TENM3: variants seen among roughly 807,000 people sequenced by gnomAD.
TENM3 encodes teneurin transmembrane protein 3.
In TENM3, 63 loss-of-function variants were observed where a neutral mutation model predicts 255.1. The observed-to-expected ratio is 0.25, with a 90% CI of 0.20 to 0.30. TENM3 has a LOEUF of 0.30. TENM3 is among the 10% of genes least tolerant of loss of function. TENM3 has a pLI of 1.00. For missense variants in TENM3, 2,929 were observed against 3,461.1 expected, an observed-to-expected ratio of 0.85 and a Z score of 3.86; for synonymous variants, 1,306 against 1,322.3, an observed-to-expected ratio of 0.99 and a Z score of 0.27.
the TENM3 span, among the ~76,000 whole-genome samples, chr4:181,699,773 G>T: frequency 1.3e-5 from 2 of 152,160 alleles, no homozygotes; most frequent in Non-Finnish European, 2.9e-5. Context: ...ACTGCAGAAA[G>T]AAAATTGGAT....
the TENM3 span, among the ~76,000 whole-genome samples, chr4:182,122,666 A>G: frequency 7.9e-5 from 12 of 152,312 alleles, no homozygotes; most frequent in Middle Eastern, 3.4e-3. Flanking sequence ...ACACAGGCAG[A>G]GTAAATTTAG....
At chr4:181,767,109 G>T in the TENM3 span, among the ~76,000 whole-genome samples, 2 of 139,062 alleles carry the variant, frequency 1.4e-5, no homozygotes, top group Non-Finnish European at 1.5e-5. Flanking sequence ...AAAATTAGCA[G>T]GGCGTGGTGG....
chr4:182,188,307 T>C (rs1467724616), intron 1 of TENM3, among the ~76,000 whole-genome samples: 1 of 152,142 alleles, frequency 6.6e-6, no homozygotes. Context: ...TTTCCATATC[T>C]GTAGATGAGA....
intron 3 of TENM3, among the ~76,000 whole-genome samples, chr4:182,362,209 T>A (rs1011254735): frequency 6.6e-6 from 1 of 152,052 alleles, no homozygotes; most frequent in African/African-American, 2.4e-5. Flanking sequence ...CGTTCTCAGA[T>A]CTCCAGCTGC....
At chr4:181,622,897 T>G in the TENM3 span, among the ~76,000 whole-genome samples, 4 of 152,192 alleles carry the variant, frequency 2.6e-5, no homozygotes, top group East Asian at 5.8e-4. Flanking sequence ...CTCCCAGAAT[T>G]AATTCTTAAC....
At chr4:182,004,440 T>C in the TENM3 span, among the ~76,000 whole-genome samples, 1 of 152,258 alleles carries the variant, frequency 6.6e-6, no homozygotes, top group African/African-American at 2.4e-5. Context: ...GTGTATACTA[T>C]GGGTGTACCA....
chr4:182,193,953 G>A (rs73871818), intron 1 of TENM3, among the ~76,000 whole-genome samples: 4,704 of 152,174 alleles, frequency 0.031, 278 homozygotes, highest in African/African-American at 0.11. Context: ...TTATTGAAAC[G>A]TTTATAAATA....
At chr4:182,250,298 C>T (rs1024368022) in intron 1 of TENM3, among the ~76,000 whole-genome samples, 8 of 138,992 alleles carry the variant, frequency 5.8e-5, no homozygotes, top group South Asian at 4.2e-4. Flanking sequence ...ATGATCCACC[C>T]GCCTTAGCCT....
the TENM3 span, among the ~76,000 whole-genome samples, chr4:181,993,378 A>G: frequency 6.6e-6 from 1 of 152,188 alleles, no homozygotes; most frequent in Non-Finnish European, 1.5e-5. Context: ...TCATTCTTTG[A>G]AATATTAGAT....
At chr4:181,833,576 T>A in the TENM3 span, among the ~76,000 whole-genome samples, 5 of 152,278 alleles carry the variant, frequency 3.3e-5, no homozygotes, top group Admixed American at 3.3e-4. Context: ...GCCCCACCTC[T>A]CCTACTCCAC....
intron 1 of TENM3, among the ~76,000 whole-genome samples, chr4:182,309,841 C>A (rs1004970964): frequency 1.3e-5 from 2 of 152,148 alleles, no homozygotes. Flanking sequence ...TCTCGGACAC[C>A]GGGCAATGTA....
At chr4:181,464,352 T>A in the TENM3 span, among the ~76,000 whole-genome samples, 1 of 152,196 alleles carries the variant, frequency 6.6e-6, no homozygotes, top group Non-Finnish European at 1.5e-5. Context: ...TTCTGGTGGG[T>A]ATGTAGTGGT....
chr4:182,337,454 G>A (rs558045714), intron 2 of TENM3, among the ~76,000 whole-genome samples: 24 of 152,234 alleles, frequency 1.6e-4, no homozygotes, highest in East Asian at 3.9e-4. Context: ...GCTCAGCACC[G>A]TTAGCCATCA....
At chr4:182,587,389 T>G (rs1372228315) in intron 3 of TENM3, among the ~76,000 whole-genome samples, 1 of 152,064 alleles carries the variant, frequency 6.6e-6, no homozygotes, top group Non-Finnish European at 1.5e-5. Flanking sequence ...TGAAACCCCA[T>G]CTCTACTAAA....
the TENM3 span, among the ~76,000 whole-genome samples, chr4:181,490,773 T>C: frequency 6.6e-6 from 1 of 152,166 alleles, no homozygotes; most frequent in Non-Finnish European, 1.5e-5. Context: ...TGTTATTTTT[T>C]AAAATGAGAA....
intron 3 of TENM3, among the ~76,000 whole-genome samples, chr4:182,517,407 G>A (rs1441139628): frequency 1.7e-5 from 2 of 120,784 alleles, no homozygotes; most frequent in East Asian, 2.5e-4. Context: ...TTTTTGAGAC[G>A]GAGTCTCGCT....
chr4:182,324,244 C>T lies in TENM3; in HGVS notation c.224C>T (p.Thr75Ile), dbSNP rs199782404. 5 of 1,612,060 alleles carry T rather than the reference C, an allele frequency of 3.1e-6. No homozygotes were observed. The highest frequency in any genetic ancestry group is 1.3e-5 in the African/African-American group (1 of 74,904). ...DLVHREADEF[T>I]RQGQNFTLRQ... The stretch of plus-strand genomic sequence containing the variant: ...GTTCACAGAGAAGCAGACGAGTTCA[C>T]TAGACAAGGTGGGTAACTGTCCTAG... The change falls in exon 2 of 28, where the codon ACT becomes ATT. Residue 75 changes from threonine (T) to isoleucine (I), a missense_variant. Thr to Ile is a moderately conservative substitution (Grantham distance 89, BLOSUM62 -1). This residue lies in a region of TENM3 where 283 missense variants were observed against 256.9 expected (regional missense o/e 1.10). Transcript: ENST00000511685.
At chr4:182,333,938 C>A (rs1263442625) in intron 2 of TENM3, among the ~76,000 whole-genome samples, 3 of 151,872 alleles carry the variant, frequency 2.0e-5, no homozygotes, top group Non-Finnish European at 4.4e-5. Flanking sequence ...GTTCTGAATC[C>A]ACATGACCTG....
the TENM3 span, among the ~76,000 whole-genome samples, chr4:181,806,893 T>C: frequency 6.6e-6 from 1 of 152,204 alleles, no homozygotes; most frequent in Non-Finnish European, 1.5e-5. Context: ...ACTGATTCAT[T>C]TTTGTGTAAA....
Sources: gnomAD v4.1 joint callset for allele counts (sites outside exome capture counted in the v4.1 genomes callset) on GRCh38, gnomAD v4.1.1 for gene constraint, gnomAD v4.1.1 regional missense constraint, MANE v1.5 for transcripts, NCBI Gene and HGNC (gene_info 2026-07-23, HGNC 2026-07-21) for gene names.